Variants in LEF1 observed in about 807,000 individuals in gnomAD.
LEF1 encodes lymphoid enhancer-binding factor 1.
Under a neutral mutation model 51.2 loss-of-function variants are expected in LEF1, and 14 were observed. That is an observed-to-expected ratio of 0.27 (90% CI 0.18 to 0.43). The LOEUF is 0.43. LEF1 is among the 20% of genes least tolerant of loss of function. The pLI is 1.00. For synonymous variants in LEF1, 185 were observed against 183.2 expected (o/e 1.01, Z -0.08); for missense variants, 386 against 512.0 (o/e 0.75, Z 2.37).
intron 3 of LEF1, among the ~76,000 whole-genome samples, chr4:108,103,068 A>C (rs1740930767): frequency 6.6e-6 from 1 of 152,212 alleles, no homozygotes; most frequent in Non-Finnish European, 1.5e-5. Flanking sequence ...GTTCTCTAAG[A>C]GCACGCAGCT....
intron 3 of LEF1, among the ~76,000 whole-genome samples, chr4:108,097,211 G>C (rs1358977707): frequency 1.3e-5 from 2 of 152,140 alleles, no homozygotes; most frequent in Non-Finnish European, 2.9e-5. Flanking sequence ...TGGATGAATG[G>C]ATAGAGAAAA....
intron 4 of LEF1, among the ~76,000 whole-genome samples, chr4:108,085,743 T>C (rs189185879): frequency 2.6e-5 from 4 of 152,342 alleles, no homozygotes; most frequent in Admixed American, 2.6e-4. Flanking sequence ...GTTCCTCTCA[T>C]AGGCAATTTT....
rs1745198372 is a variant in LEF1, at chr4:108,163,607, G to A, written c.375C>T (p.Tyr125=). 9.9e-6 allele frequency: 16 copies of A among 1,613,730 alleles called. No individual in the cohort carries two copies. In the East Asian group the frequency reaches 3.1e-4, roughly 31 times the overall value. The change falls in exon 3 of 12, where the codon TAC becomes TAT. Residue 125 remains tyrosine (Y), a synonymous_variant. Transcript: ENST00000265165. ...IMMPNMNNDP[Y]MSNGSLSPPI... is the part of the protein sequence containing the mutation. ...GTGGAGAAAGAGATCCATTTGACAT[G>A]TATGGGTCGTTATTCATATTTGGCA... is the stretch of plus-strand genomic sequence containing the variant.
intron 3 of LEF1, among the ~76,000 whole-genome samples, chr4:108,151,949 G>T (rs1744381545): frequency 6.6e-6 from 1 of 152,170 alleles, no homozygotes; most frequent in Non-Finnish European, 1.5e-5. Flanking sequence ...TGAGTAACCT[G>T]CTCTGTGGCA....
At chr4:108,078,549 A>T (rs539375417) in intron 7 of LEF1, 167 bp from the exon 8 acceptor site, 1 of 780,418 alleles carries the variant, frequency 1.3e-6, no homozygotes, top group African/African-American at 1.7e-5. Flanking sequence ...GACTCATTTG[A>T]CAAAACACTG....
At chr4:108,162,928 T>A (rs1745154322) in intron 3 of LEF1, among the ~76,000 whole-genome samples, 1 of 152,176 alleles carries the variant, frequency 6.6e-6, no homozygotes, top group African/African-American at 2.4e-5. Context: ...TGCATTTGCA[T>A]AATGCAGTTA....
At chr4:108,059,665 G>C (rs756541053) in intron 11 of LEF1, among the ~76,000 whole-genome samples, 6 of 151,970 alleles carry the variant, frequency 3.9e-5, no homozygotes, top group Non-Finnish European at 8.8e-5. Flanking sequence ...TTGAAAACCA[G>C]CTGTGTGATA....
At chr4:108,155,726 T>C (rs183654248) in intron 3 of LEF1, among the ~76,000 whole-genome samples, 170 of 152,308 alleles carry the variant, frequency 1.1e-3, no homozygotes, top group African/African-American at 3.8e-3. Context: ...CCGATATTAA[T>C]ATGCCATTTA....
intron 3 of LEF1, among the ~76,000 whole-genome samples, chr4:108,122,075 G>C (rs556827655): frequency 1.3e-5 from 2 of 152,234 alleles, no homozygotes; most frequent in Non-Finnish European, 2.9e-5. Flanking sequence ...AGAGTTGTTG[G>C]ATATAGCAGC....
In LEF1 at chr4:108,167,785, CT is replaced by C; in HGVS notation, c.-19del. On this transcript the variant is annotated 5_prime_UTR_variant, in exon 1 of 12. Transcript: ENST00000265165. The surrounding 1 kb of genome is among the most constrained non-coding windows in gnomAD (Gnocchi z 5.7). ...TGGGGCATCCCGGCGGCTCTGTAAT[CT>C]CCGCTCCGCTGTGGGAGCACCCGCG... 6.2e-7 allele frequency: 1 copy of C among 1,606,862 alleles called. No homozygotes were observed. Among genetic ancestry groups the C allele is most frequent in the Non-Finnish European group, 8.5e-7 (1 of 1,177,960 alleles).
rs1410944927 is a variant in LEF1, at chr4:108,079,544, T to C, written c.793A>G (p.Thr265Ala). 1 of 1,613,968 alleles carries C rather than the reference T, an allele frequency of 6.2e-7. No homozygotes were observed. The highest frequency in any genetic ancestry group is 1.7e-5 in the Admixed American group (1 of 60,004). Residue 265 changes from threonine (T) to alanine (A), a missense_variant, in exon 7 of 12, where the codon ACA (threonine) becomes GCA (alanine). By Grantham distance (58) the Thr-to-Ala change is moderately conservative. Transcript: ENST00000265165. ...GGATGTTCCTGTTTGACCTGAGGTG[T>C]TACAATAGCTGGATGAGGGATGCCA... ...TTGIPHPAIVTPQVKQEHPHT... is the reference protein window; with the variant it reads ...TTGIPHPAIVAPQVKQEHPHT...
At chr4:108,138,506 T>TACACACAC (rs79489271) in intron 3 of LEF1, among the ~76,000 whole-genome samples, 2,792 of 150,340 alleles carry the variant, frequency 0.019, 47 homozygotes, top group Middle Eastern at 0.066. Flanking sequence ...TGTGTGTGTA[T>TACACACAC]ACACACACAC....
At chr4:108,092,724 C>T (rs1740104162) in intron 3 of LEF1, among the ~76,000 whole-genome samples, 1 of 151,936 alleles carries the variant, frequency 6.6e-6, no homozygotes, top group Non-Finnish European at 1.5e-5. Context: ...AATTAAGTGG[C>T]TACATCACAT....
At chr4:108,070,601 C>T in intron 9 of LEF1, 62 bp downstream of exon 9, 2 of 1,122,336 alleles carry the variant, frequency 1.8e-6, no homozygotes, top group South Asian at 2.6e-5. Context: ...ACATTTCCTT[C>T]TTGAACGCAA....
intron 2 of LEF1, 43 bp downstream of exon 2, chr4:108,165,054 C>T: frequency 6.4e-7 from 1 of 1,565,022 alleles, no homozygotes; most frequent in South Asian, 1.1e-5. Context: ...CAAATTGCAC[C>T]CCTTATCTGC....
At chr4:108,107,699 A>G (rs1237414408) in intron 3 of LEF1, among the ~76,000 whole-genome samples, 1 of 152,162 alleles carries the variant, frequency 6.6e-6, no homozygotes, top group African/African-American at 2.4e-5. Context: ...AGAACATTTT[A>G]GCTCTTCTGA....
chr4:108,111,110 T>C (rs561808833), intron 3 of LEF1, among the ~76,000 whole-genome samples: 19 of 152,252 alleles, frequency 1.2e-4, no homozygotes, highest in Non-Finnish European at 2.1e-4. Context: ...ATACACCAAA[T>C]GAAAGAACAC....
intron 3 of LEF1, among the ~76,000 whole-genome samples, chr4:108,122,211 A>C (rs1253860903): frequency 6.6e-6 from 1 of 152,162 alleles, no homozygotes; most frequent in African/African-American, 2.4e-5. Context: ...GAAATCTCTT[A>C]CTAGAAAGTA....
chr4:108,111,933 C>CA (rs1002571487), intron 3 of LEF1, among the ~76,000 whole-genome samples: 50 of 152,156 alleles, frequency 3.3e-4, no homozygotes, highest in African/African-American at 1.1e-3. Context: ...TACTGACATA[C>CA]AAAAAAAGTG....
Sources: gnomAD v4.1 joint callset for allele counts (sites outside exome capture counted in the v4.1 genomes callset) on GRCh38, gnomAD v4.1.1 for gene constraint, Gnocchi (gnomAD v3.1) non-coding constraint, MANE v1.5 for transcripts, NCBI Gene and HGNC (gene_info 2026-07-23, HGNC 2026-07-21) for gene names.